Variants in GXYLT1 observed in about 807,000 individuals in gnomAD.
GXYLT1 encodes the protein glucoside xylosyltransferase 1.
GXYLT1 carries 29 observed loss-of-function variants against 54.0 expected under a neutral mutation model. The ratio of observed to expected loss-of-function variants is 0.54; its 90% CI spans 0.40 to 0.73. The LOEUF (loss-of-function observed/expected upper bound fraction) is 0.73. Ranked by LOEUF, GXYLT1 falls within the 30% of genes least tolerant of loss-of-function variation. The pLI is 0.00. For synonymous variants in GXYLT1, 176 were observed against 204.1 expected (o/e 0.86, Z 1.17); for missense variants, 490 against 553.4 (o/e 0.89, Z 1.15).
At chr12:42,126,050 C>T (rs1427971313) in intron 2 of GXYLT1, among the ~76,000 whole-genome samples, 4 of 151,396 alleles carry the variant, frequency 2.6e-5, no homozygotes, top group Non-Finnish European at 5.9e-5. Context: ...CCAAACAAAA[C>T]CCAGAAGCAA....
intron 5 of GXYLT1, among the ~76,000 whole-genome samples, chr12:42,100,994 A>G (rs1015813959): frequency 5.3e-5 from 8 of 151,224 alleles, no homozygotes; most frequent in African/African-American, 2.0e-4. Context: ...AAGAGCATCA[A>G]TGAAATACAA....
rs192863205 is a variant in GXYLT1 at position 42,086,485 on chromosome 12, G to A, written c.*1301C>T. ...TTCTACTTGAGCATTAAAATATCAG[G>A]GAGAAAAAGAAGATAACCATATAGA... On this transcript the variant is annotated 3_prime_UTR_variant, in exon 8 of 8. Transcript: ENST00000398675. 2.6e-5 allele frequency: 4 copies of A among 152,098 alleles called. No homozygotes were observed. Among genetic ancestry groups the A allele is most frequent in the Non-Finnish European group, 4.4e-5 (3 of 67,996 alleles). The allele number at this position is 152,098 out of a possible 1,614,324, so 9.4% of individuals were successfully genotyped here.
intron 5 of GXYLT1, among the ~76,000 whole-genome samples, chr12:42,101,259 C>G (rs936390742): frequency 2.0e-5 from 3 of 152,090 alleles, no homozygotes; most frequent in African/African-American, 7.2e-5. Flanking sequence ...TATGGGCAAG[C>G]AGCCATTCAC....
chr12:42,103,391 G>A (rs1192569527), intron 5 of GXYLT1, among the ~76,000 whole-genome samples: 2 of 152,196 alleles, frequency 1.3e-5, no homozygotes, highest in Admixed American at 6.5e-5. Context: ...TATTGTGGCT[G>A]TACATGGGTT....
intron 4 of GXYLT1, 130 bp downstream of exon 4, chr12:42,109,436 C>A: frequency 1.8e-6 from 1 of 570,484 alleles, no homozygotes. Flanking sequence ...ATAGTACATG[C>A]ATTGATTTCT....
rs373776226 is a variant in GXYLT1 at position 42,119,153 on chromosome 12, C to T, written c.333G>A (p.Gln111=). ...CAGCTAGATGCATTTTCTCAACAGG[C>T]TGTATTTTCAGACTGTACCTAATAG... ...EAAFRYSLKI[Q]PVEKMHLAVV... is the part of the protein sequence containing the mutation. Residue 111 remains glutamine (Q), a synonymous_variant, in exon 3 of 8, where the codon CAG becomes CAA. Transcript: ENST00000398675. 1.1e-4 allele frequency: 171 copies of T among 1,613,930 alleles called. No homozygotes were observed. Among genetic ancestry groups the T allele is most frequent in the Non-Finnish European group, 1.2e-4 (141 of 1,179,904 alleles).
intron 5 of GXYLT1, among the ~76,000 whole-genome samples, chr12:42,098,293 C>G (rs1269745732): frequency 6.6e-6 from 1 of 152,138 alleles, no homozygotes; most frequent in African/African-American, 2.4e-5. Context: ...GTGTCCTTAT[C>G]TTAAAATGAA....
chr12:42,143,702 C>A (rs2065663970), intron 1 of GXYLT1, among the ~76,000 whole-genome samples: 1 of 152,130 alleles, frequency 6.6e-6, no homozygotes, highest in African/African-American at 2.4e-5. Context: ...CTATTTAAAT[C>A]TCATGTTGAT....
chr12:42,086,819 A>C lies in GXYLT1; in HGVS notation c.*967T>G, dbSNP rs888302214. 31 of 152,144 alleles carry C rather than the reference A, an allele frequency of 2.0e-4. No individual in the cohort carries two copies. The highest frequency in any genetic ancestry group is 6.6e-5 in the Admixed American group (1 of 15,264). The allele number at this position is 152,144 out of a possible 1,614,324, so 9.4% of individuals were successfully genotyped here. A position where few individuals can be genotyped will look rare whatever the true frequency, so the allele number is the denominator to read the frequency against. ...GCAAGGCCGTTATGAGGTAGAAGACAAGTTTAAATGGACCATATTTTTCTA... is the reference window on the plus strand; with the variant it reads ...GCAAGGCCGTTATGAGGTAGAAGACCAGTTTAAATGGACCATATTTTTCTA... On this transcript the variant is annotated 3_prime_UTR_variant, in exon 8 of 8. Coordinates refer to ENST00000398675, the MANE Select transcript of GXYLT1 (RefSeq NM_173601.2).
chr12:42,129,484 AC>A (rs2065581951), intron 2 of GXYLT1, among the ~76,000 whole-genome samples: 1 of 152,180 alleles, frequency 6.6e-6, no homozygotes, highest in Admixed American at 6.5e-5. Context: ...CTAGTTTATC[AC>A]TTTATCAACT....
intron 3 of GXYLT1, among the ~76,000 whole-genome samples, chr12:42,115,246 C>T (rs1283921395): frequency 2.6e-5 from 4 of 152,328 alleles, no homozygotes; most frequent in Admixed American, 2.0e-4. Context: ...TCTCTCACCA[C>T]TCCTATTCAA....
chr12:42,090,643 T>G (rs1565564545), intron 7 of GXYLT1, among the ~76,000 whole-genome samples: 4 of 152,216 alleles, frequency 2.6e-5, no homozygotes, highest in African/African-American at 9.7e-5. Flanking sequence ...TTTCAAAGAA[T>G]AGTACATCTT....
chr12:42,144,582 G>C lies in GXYLT1; in HGVS notation c.65C>G (p.Ala22Gly), dbSNP rs772318707. Residue 22 changes from alanine (A) to glycine (G), a missense_variant, in exon 1 of 8, where the codon GCT becomes GGT. This residue lies in a region of GXYLT1 where 148 missense variants were observed against 210.7 expected (regional missense o/e 0.70). Transcript: ENST00000398675. ...VACGFCSLLYAFSQLAVSLEE... is the reference protein window; with the variant it reads ...VACGFCSLLYGFSQLAVSLEE... ...CAGGGACACGGCGAGCTGGCTGAAA[G>C]CGTAAAGGAGCGAGCAGAAGCCGCA... 1.4e-6 allele frequency: 2 copies of C among 1,475,372 alleles called. No homozygotes were observed. The highest frequency in any genetic ancestry group is 2.8e-5 in the East Asian group (1 of 35,292). 91.4% of individuals were successfully genotyped at this position (1,475,372 alleles called of 1,614,324 possible). A position where few individuals can be genotyped will look rare whatever the true frequency, so the allele number is the denominator to read the frequency against.
Position 42,121,992 on chromosome 12 carries a change from T to TA in GXYLT1, c.315-2822dup, listed in dbSNP as rs563931040. Among the ~76,000 whole-genome samples the TA allele has an allele frequency of 5.1e-4, 78 of 152,318 alleles. 1 individual carries two copies. The East Asian group carries it at 0.014, about 28-fold the overall frequency. On this transcript the variant is annotated intron_variant, in intron 2 of 7. Transcript: ENST00000398675. ...ATAGGAAGTGATAACTAAAACCTTCTAAGCAGTTACAGGGAAGCAGTCATT... is the reference window on the plus strand; with the variant it reads ...ATAGGAAGTGATAACTAAAACCTTCTAAAGCAGTTACAGGGAAGCAGTCATT...
At chr12:42,093,595 C>T (rs911722256) in intron 7 of GXYLT1, among the ~76,000 whole-genome samples, 1 of 152,076 alleles carries the variant, frequency 6.6e-6, no homozygotes, top group African/African-American at 2.4e-5. Flanking sequence ...ACCAATGGAA[C>T]AAAACAGAAA....
At chr12:42,089,272 G>T (rs2065315344) in intron 7 of GXYLT1, among the ~76,000 whole-genome samples, 1 of 145,576 alleles carries the variant, frequency 6.9e-6, no homozygotes, top group South Asian at 2.2e-4. Context: ...TCATTCATAG[G>T]TGAGAACTGA....
At chr12:42,100,105 T>C (rs2065381109) in intron 5 of GXYLT1, among the ~76,000 whole-genome samples, 1 of 152,182 alleles carries the variant, frequency 6.6e-6, no homozygotes, top group South Asian at 2.1e-4. Context: ...CAAAGTTAAA[T>C]ACTTAAGGGA....
At chr12:42,110,451 G>T (rs962600253) in intron 3 of GXYLT1, among the ~76,000 whole-genome samples, 11 of 152,200 alleles carry the variant, frequency 7.2e-5, no homozygotes, top group Admixed American at 3.3e-4. Flanking sequence ...AATTATGATA[G>T]TGTTTAAGTC....
At chr12:42,137,487 G>A (rs1385977183) in intron 1 of GXYLT1, among the ~76,000 whole-genome samples, 10 of 118,728 alleles carry the variant, frequency 8.4e-5, no homozygotes, top group African/African-American at 1.6e-4. Context: ...CCGCCTGGGC[G>A]ACAGAGCATC....
Sources: allele counts gnomAD v4.1 joint callset (sites outside exome capture counted in the v4.1 genomes callset), GRCh38; gene constraint gnomAD v4.1.1; regional missense constraint gnomAD v4.1.1; transcripts MANE v1.5; gene names NCBI Gene and HGNC (gene_info 2026-07-23, HGNC 2026-07-21).